The following FGF12 variants were observed in gnomAD, a reference collection of about 807,000 sequenced individuals.
FGF12 encodes the protein fibroblast growth factor 12B.
FGF12 carries 14 observed loss-of-function variants against 23.6 expected under a neutral mutation model. The observed-to-expected ratio is 0.59, with a 90% CI of 0.39 to 0.93. FGF12 has a LOEUF of 0.93. Among genes scored for constraint, FGF12 ranks in the 40% least tolerant of loss-of-function variants. The probability of loss-of-function intolerance (pLI) is 0.00; values close to 1 mark genes in which losing one functional copy is unlikely to be tolerated. For missense variants in FGF12, 175 were observed against 217.8 expected (o/e 0.80, Z 1.24); for synonymous variants, 62 against 77.3 (o/e 0.80, Z 1.04).
At chr3:192,478,429 TAC>T (rs1723389471) in intron 2 of FGF12, among the ~76,000 whole-genome samples, 1 of 152,218 alleles carries the variant, frequency 6.6e-6, no homozygotes, top group Non-Finnish European at 1.5e-5. Context: ...GTATATACTG[TAC>T]TATCTTCCTA....
chr3:192,471,758 G>A (rs1723179521), intron 2 of FGF12, among the ~76,000 whole-genome samples: 1 of 152,214 alleles, frequency 6.6e-6, no homozygotes, highest in Non-Finnish European at 1.5e-5. Flanking sequence ...ATGTGTAGCT[G>A]AGTTTGCATG....
intron 3 of FGF12, among the ~76,000 whole-genome samples, chr3:192,343,422 C>T (rs945779314): frequency 6.6e-6 from 1 of 152,056 alleles, no homozygotes; most frequent in Non-Finnish European, 1.5e-5. Context: ...GTTATTTTCT[C>T]CTACAATAAA....
Position 192,335,350 on chromosome 3 carries a change from A to C in FGF12, c.228+11T>G, listed in dbSNP as rs751431458. ...ACACATACACACAAATACACACTAC[A>C]ATGTACTTACTGAACTGTAGAGATA... On this transcript the variant is annotated intron_variant, in intron 4 of 5. Transcript: ENST00000445105. The C allele has an allele frequency of 6.4e-7, 1 of 1,568,080 alleles. No homozygotes were observed. The highest frequency in any genetic ancestry group is 1.1e-5 in the South Asian group (1 of 90,198).
At chr3:192,650,367 G>A (rs1293979637) in intron 2 of FGF12, among the ~76,000 whole-genome samples, 1 of 152,090 alleles carries the variant, frequency 6.6e-6, no homozygotes, top group South Asian at 2.1e-4. Flanking sequence ...ACATCTCCAT[G>A]CCTTTGCACC....
At chr3:192,335,232 G>A (rs533023947) in intron 4 of FGF12, 129 bp downstream of exon 4, 363 of 640,116 alleles carry the variant, frequency 5.7e-4, no homozygotes, top group Non-Finnish European at 8.8e-4. Context: ...AAATAATCCC[G>A]AAAAACAGGA....
intron 3 of FGF12, among the ~76,000 whole-genome samples, chr3:192,348,839 A>G (rs1718079327): frequency 6.6e-6 from 1 of 152,142 alleles, no homozygotes; most frequent in South Asian, 2.1e-4. Context: ...CAAAATAGAA[A>G]TGATTACAGT....
intron 4 of FGF12, among the ~76,000 whole-genome samples, chr3:192,205,721 G>A (rs1335291425): frequency 6.6e-6 from 1 of 152,124 alleles, no homozygotes; most frequent in East Asian, 1.9e-4. Flanking sequence ...CACTTCTGAT[G>A]AAGAGATTTG....
chr3:192,243,037 A>G (rs957510652), intron 4 of FGF12, among the ~76,000 whole-genome samples: 1 of 152,098 alleles, frequency 6.6e-6, no homozygotes, highest in Non-Finnish European at 1.5e-5. Context: ...CATAATATTC[A>G]GGAATAATAC....
At chr3:192,656,154 C>A (rs1716409286) in intron 2 of FGF12, among the ~76,000 whole-genome samples, 1 of 151,568 alleles carries the variant, frequency 6.6e-6, no homozygotes, top group African/African-American at 2.4e-5. Flanking sequence ...TCCAAAAAAT[C>A]AGTGACGGAA....
At chr3:192,491,054 C>CA (rs796764371) in intron 2 of FGF12, among the ~76,000 whole-genome samples, 12 of 152,130 alleles carry the variant, frequency 7.9e-5, no homozygotes, top group African/African-American at 2.4e-4. Flanking sequence ...TTTTCCAAAG[C>CA]AAAAAAGTTT....
intron 2 of FGF12, among the ~76,000 whole-genome samples, chr3:192,398,333 G>C (rs1430350410): frequency 6.6e-6 from 1 of 151,956 alleles, no homozygotes; most frequent in Non-Finnish European, 1.5e-5. Context: ...GGGGTGAGGG[G>C]AGCTACAGTT....
intron 2 of FGF12, among the ~76,000 whole-genome samples, chr3:192,511,011 T>G (rs568331957): frequency 3.3e-5 from 5 of 151,920 alleles, no homozygotes; most frequent in South Asian, 2.1e-4. Flanking sequence ...ATCGTTGAGG[T>G]TTTTTTTGCC....
chr3:192,325,911 T>C (rs1419237661), intron 4 of FGF12, among the ~76,000 whole-genome samples: 2 of 152,136 alleles, frequency 1.3e-5, no homozygotes, highest in Non-Finnish European at 2.9e-5. Flanking sequence ...CATGCTTCAG[T>C]AGAATAGAAA....
chr3:192,216,381 A>C (rs1718194566), intron 4 of FGF12, among the ~76,000 whole-genome samples: 1 of 152,218 alleles, frequency 6.6e-6, no homozygotes, highest in Non-Finnish European at 1.5e-5. Context: ...TTTAACAACA[A>C]AATGGAAATT....
At chr3:192,648,563 TA>T (rs1257798857) in intron 2 of FGF12, among the ~76,000 whole-genome samples, 2 of 152,164 alleles carry the variant, frequency 1.3e-5, no homozygotes, top group South Asian at 2.1e-4. Flanking sequence ...CAAATTGTTT[TA>T]AAAACCCATG....
chr3:192,725,197 T>C lies in FGF12; in HGVS notation c.13+1984A>G, dbSNP rs553514282. ...GAAAGTGAGGCCAATGTATAAGTAA[T>C]TAGCCATTTTTAATCTGATTGCCAA... On this transcript the variant is annotated intron_variant, in intron 2 of 5. Coordinates refer to ENST00000445105, the MANE Select transcript of FGF12 (RefSeq NM_004113.6). Among the ~76,000 whole-genome samples the C allele has an allele frequency of 3.3e-5, 5 of 152,334 alleles. No homozygotes were observed. The East Asian group carries it at 7.7e-4, about 23-fold the overall frequency.
At chr3:192,703,898 T>C (rs370659428) in intron 2 of FGF12, among the ~76,000 whole-genome samples, 1 of 152,182 alleles carries the variant, frequency 6.6e-6, no homozygotes, top group East Asian at 1.9e-4. Context: ...AGAGACAAGG[T>C]CTCACTGTGT....
intron 2 of FGF12, chr3:192,726,774 G>T: frequency 5.0e-6 from 1 of 198,568 alleles, no homozygotes; most frequent in Non-Finnish European, 1.0e-5. Flanking sequence ...TTTTTTTTTA[G>T]CAATGCATTA....
chr3:192,629,527 T>G (rs1464719364), intron 2 of FGF12, among the ~76,000 whole-genome samples: 1 of 152,168 alleles, frequency 6.6e-6, no homozygotes, highest in Non-Finnish European at 1.5e-5. Context: ...GAAAACAGAT[T>G]CTAGATTGGA....
Sources: gnomAD v4.1 joint callset for allele counts (sites outside exome capture counted in the v4.1 genomes callset) on GRCh38, gnomAD v4.1.1 for gene constraint, MANE v1.5 for transcripts, NCBI Gene and HGNC (gene_info 2026-07-23, HGNC 2026-07-21) for gene names.